Variants in CYB5R4 observed in about 807,000 individuals in gnomAD.
CYB5R4 encodes the protein cytochrome b5 reductase 4, also known as N-terminal cytochrome b5 and cytochrome b5 oxidoreductase domain-containing protein.
A neutral mutation model predicts 70.2 loss-of-function variants in CYB5R4; 55 were observed. That is an observed-to-expected ratio of 0.78 (90% CI 0.63 to 0.98). CYB5R4 has a LOEUF of 0.98. Ranked by LOEUF, CYB5R4 falls within the 50% of genes least tolerant of loss-of-function variation. The probability of loss-of-function intolerance (pLI) is 0.00; values close to 1 mark genes in which losing one functional copy is unlikely to be tolerated. For synonymous variants in CYB5R4, 197 were observed against 199.5 expected, an observed-to-expected ratio of 0.99 and a Z score of 0.11; for missense variants, 562 against 612.6, an observed-to-expected ratio of 0.92 and a Z score of 0.87.
chr6:83,909,475 G>A (rs9344375), intron 4 of CYB5R4, among the ~76,000 whole-genome samples: 1 of 151,886 alleles, frequency 6.6e-6, no homozygotes, highest in Admixed American at 6.6e-5. Context: ...CCGACTCTGC[G>A]CCTTCACTAT....
At chr6:83,926,080 TA>T (rs2099467227) in intron 10 of CYB5R4, among the ~76,000 whole-genome samples, 1 of 152,222 alleles carries the variant, frequency 6.6e-6, no homozygotes, top group Non-Finnish European at 1.5e-5. Context: ...GTGTCTTTAA[TA>T]TTAAATGCTT....
chr6:83,885,156 A>G (rs1339536331), intron 2 of CYB5R4, among the ~76,000 whole-genome samples: 1 of 152,210 alleles, frequency 6.6e-6, no homozygotes, highest in East Asian at 1.9e-4. Flanking sequence ...AAAATAGAAA[A>G]GTAGCATTGT....
chr6:83,884,447 A>G (rs2099459949), intron 2 of CYB5R4, among the ~76,000 whole-genome samples: 1 of 152,154 alleles, frequency 6.6e-6, no homozygotes, highest in South Asian at 2.1e-4. Context: ...TAGACATTTT[A>G]TAATGATAAA....
chr6:83,870,971 C>CTTTTTTTT (rs759131653), intron 2 of CYB5R4, among the ~76,000 whole-genome samples: 24 of 88,612 alleles, frequency 2.7e-4, no homozygotes, highest in Non-Finnish European at 3.6e-4. Context: ...TCATTGTTTG[C>CTTTTTTTT]TTTTTTTTTT....
At chr6:83,956,782 T>C (rs1319568874) in intron 15 of CYB5R4, among the ~76,000 whole-genome samples, 12 of 152,124 alleles carry the variant, frequency 7.9e-5, no homozygotes, top group Admixed American at 7.9e-4. Context: ...CGTAATGTTA[T>C]GCCAGAGTCA....
At chr6:83,891,342 C>T (rs1437396077) in intron 2 of CYB5R4, among the ~76,000 whole-genome samples, 1 of 152,184 alleles carries the variant, frequency 6.6e-6, no homozygotes, top group Non-Finnish European at 1.5e-5. Flanking sequence ...CCTGCAATAT[C>T]TCTGAGGTAC....
At chr6:83,939,017 G>A (rs904731268) in intron 12 of CYB5R4, among the ~76,000 whole-genome samples, 2 of 151,856 alleles carry the variant, frequency 1.3e-5, no homozygotes, top group Non-Finnish European at 2.9e-5. Flanking sequence ...TGTATTTTTA[G>A]TAGAGACGGG....
chr6:83,884,250 G>A (rs919655407), intron 2 of CYB5R4, among the ~76,000 whole-genome samples: 1 of 151,876 alleles, frequency 6.6e-6, no homozygotes, highest in Non-Finnish European at 1.5e-5. Flanking sequence ...GCACCCATGT[G>A]TAGATGTATG....
At chr6:83,910,706 CT>C (rs1336356133) in intron 4 of CYB5R4, among the ~76,000 whole-genome samples, 2 of 152,084 alleles carry the variant, frequency 1.3e-5, no homozygotes, top group Non-Finnish European at 2.9e-5. Context: ...CGTAATCCCT[CT>C]GATGATAGGA....
At chr6:83,886,757 C>T (rs895844330) in intron 2 of CYB5R4, among the ~76,000 whole-genome samples, 1 of 152,116 alleles carries the variant, frequency 6.6e-6, no homozygotes, top group African/African-American at 2.4e-5. Flanking sequence ...TTTTAAAGAA[C>T]TAATGAGCTA....
chr6:83,885,904 C>T (rs984194924), intron 2 of CYB5R4, among the ~76,000 whole-genome samples: 9 of 152,028 alleles, frequency 5.9e-5, no homozygotes, highest in Admixed American at 1.3e-4. Flanking sequence ...TCAAGAGAAA[C>T]GAAAATATAA....
intron 4 of CYB5R4, among the ~76,000 whole-genome samples, chr6:83,913,683 A>G (rs765020963): frequency 2.6e-5 from 4 of 152,310 alleles, no homozygotes; most frequent in Middle Eastern, 3.4e-3. Context: ...TGTATAAAAC[A>G]AGGTGATGTC....
intron 3 of CYB5R4, among the ~76,000 whole-genome samples, chr6:83,908,131 G>A (rs1037137074): frequency 5.9e-5 from 9 of 152,072 alleles, no homozygotes; most frequent in South Asian, 2.1e-4. Context: ...CCGCAACCTC[G>A]CCAACATCTG....
At chr6:83,892,053 T>C (rs1201737066) in intron 2 of CYB5R4, among the ~76,000 whole-genome samples, 2 of 152,122 alleles carry the variant, frequency 1.3e-5, no homozygotes, top group East Asian at 1.9e-4. Context: ...ACCACTCACG[T>C]TTTTGGTCTC....
intron 4 of CYB5R4, chr6:83,910,195 A>G (rs552677502): frequency 6.7e-7 from 1 of 1,495,014 alleles, no homozygotes; most frequent in South Asian, 1.2e-5. Context: ...CATCTATTGA[A>G]TGGGCTGCCT....
intron 14 of CYB5R4, among the ~76,000 whole-genome samples, chr6:83,943,212 G>A (rs191924129): frequency 1.3e-5 from 2 of 152,272 alleles, no homozygotes; most frequent in Admixed American, 6.5e-5. Context: ...ATACAGGAGA[G>A]CTCTGGCTGG....
chr6:83,861,877 A>G (rs1176034002), intron 1 of CYB5R4, among the ~76,000 whole-genome samples: 2 of 152,192 alleles, frequency 1.3e-5, no homozygotes, highest in Non-Finnish European at 2.9e-5. Flanking sequence ...AAGTCTGGTG[A>G]TGTTTTTGTG....
At chr6:83,878,537 G>A (rs1199908376) in intron 2 of CYB5R4, among the ~76,000 whole-genome samples, 2 of 152,012 alleles carry the variant, frequency 1.3e-5, no homozygotes, top group Non-Finnish European at 2.9e-5. Flanking sequence ...TAGTAGAGAC[G>A]GGGTTTCACA....
At chr6:83,950,514 A>C (rs1463025103) in intron 14 of CYB5R4, among the ~76,000 whole-genome samples, 4 of 152,106 alleles carry the variant, frequency 2.6e-5, no homozygotes, top group Non-Finnish European at 5.9e-5. Flanking sequence ...TTGTAGAATG[A>C]GTTTTGTGGG....
Sources: gnomAD v4.1 joint callset for allele counts (sites outside exome capture counted in the v4.1 genomes callset) on GRCh38, gnomAD v4.1.1 for gene constraint, MANE v1.5 for transcripts, NCBI Gene and HGNC (gene_info 2026-07-23, HGNC 2026-07-21) for gene names.